ALX4: variants seen among roughly 807,000 people sequenced by gnomAD.
ALX4 encodes homeobox protein aristaless-like 4.
A neutral mutation model predicts 40.6 loss-of-function variants in ALX4; 22 were observed. The ratio of observed to expected loss-of-function variants is 0.54; its 90% CI spans 0.39 to 0.77. ALX4 has a LOEUF of 0.77. Among genes scored for constraint, ALX4 ranks in the 30% least tolerant of loss-of-function variants. ALX4 has a pLI of 0.00. For synonymous variants in ALX4, 266 were observed against 240.5 expected, an observed-to-expected ratio of 1.11 and a Z score of -0.98; for missense variants, 556 against 564.8, an observed-to-expected ratio of 0.98 and a Z score of 0.16.
intron 2 of ALX4, among the ~76,000 whole-genome samples, chr11:44,272,137 C>T (rs1346569373): frequency 6.6e-6 from 1 of 152,290 alleles, no homozygotes; most frequent in South Asian, 2.1e-4. Context: ...TGTGTGAGGG[C>T]TTCTGGATTC....
intron 1 of ALX4, 52 bp from the exon 2 acceptor site, chr11:44,275,710 A>G: frequency 6.4e-7 from 1 of 1,572,026 alleles, no homozygotes; most frequent in East Asian, 2.3e-5. Flanking sequence ...CAAACAAGAG[A>G]AGGGGAATGT....
chr11:44,284,628 G>A (rs965965441), intron 1 of ALX4, among the ~76,000 whole-genome samples: 1 of 152,074 alleles, frequency 6.6e-6, no homozygotes, highest in Non-Finnish European at 1.5e-5. Context: ...CCAGACTCAC[G>A]GACTTACACG....
chr11:44,288,668 C>G (rs892577364), intron 1 of ALX4, among the ~76,000 whole-genome samples: 1 of 152,194 alleles, frequency 6.6e-6, no homozygotes, highest in Non-Finnish European at 1.5e-5. Context: ...GCCCTCACTC[C>G]CGTGGAAGCC....
Position 44,309,598 on chromosome 11 carries a change from G to T in ALX4, c.465C>A (p.Tyr155Ter). The change falls in exon 1 of 4, where the codon TAC (tyrosine) becomes TAA (stop). Residue 155 changes from tyrosine (Y) to a stop codon, truncating the protein, a stop_gained and splice_region_variant. Coordinates refer to ENST00000652299, the MANE Select transcript of ALX4 (RefSeq NM_021926.4). LOFTEE classifies it high-confidence loss of function. ...CAGGTGACCCGCACGTGCACTCACC[G>T]TAGCAGGGAACCTGCAAGGCCGCGC... ...GHSAALQVPC[Y>*]AKESSLGEPE... is the part of the protein sequence containing the mutation. 6.3e-7 allele frequency: 1 copy of T among 1,581,946 alleles called. No homozygotes were observed. Among genetic ancestry groups the T allele is most frequent in the Non-Finnish European group, 8.5e-7 (1 of 1,172,738 alleles).
chr11:44,267,665 C>T lies in ALX4; in HGVS notation c.778-43G>A, dbSNP rs759643811. 1.5e-4 allele frequency: 235 copies of T among 1,613,134 alleles called. 1 individual carries two copies. Among genetic ancestry groups the T allele is most frequent in the Non-Finnish European group, 1.9e-4 (225 of 1,179,798 alleles). The stretch of plus-strand genomic sequence containing the variant: ...GCCATTGTCACCAGGGTGAGATGCC[C>T]GCCTGGAGGCCTCACTTTCAGGCAG... On this transcript the variant is annotated intron_variant, in intron 2 of 3. Coordinates refer to ENST00000652299, the MANE Select transcript of ALX4 (RefSeq NM_021926.4).
At chr11:44,284,218 G>C (rs1357208369) in intron 1 of ALX4, among the ~76,000 whole-genome samples, 1 of 149,850 alleles carries the variant, frequency 6.7e-6, no homozygotes, top group Admixed American at 6.8e-5. Flanking sequence ...TTCTTTTTTT[G>C]GGGGGCGGGG....
At position 44,267,499 on chromosome 11, in the gene ALX4, C is replaced by A. The variant is rs766411205; in HGVS notation, c.901G>T (p.Ala301Ser). ...CAGCTCAGGGCGGGACTTACCTGGG[C>A]GTAGTTCTCAGCTCGGGTGAGGAGG... ...LPLLTRAENYAQIQNPSWLGN... is the reference protein window; with the variant it reads ...LPLLTRAENYSQIQNPSWLGN... The change falls in exon 3 of 4, where the codon GCC becomes TCC. Residue 301 changes from alanine (A) to serine (S), a missense_variant. By Grantham distance (99) the Ala-to-Ser change is moderately conservative. Coordinates refer to ENST00000652299, the MANE Select transcript of ALX4 (RefSeq NM_021926.4). The A allele has an allele frequency of 1.2e-6, 2 of 1,613,886 alleles. No homozygotes were observed. The highest frequency in any genetic ancestry group is 1.1e-5 in the South Asian group (1 of 91,072).
In ALX4 at chr11:44,264,844, G is replaced by A; in HGVS notation, c.*10C>T. ...GTGTCCCGAGGTGGGGACGGGGCAG[G>A]GGTGCCCTGTCATGTGGCCCAGGAA... On this transcript the variant is annotated 3_prime_UTR_variant, in exon 4 of 4. Transcript: ENST00000652299. The A allele has an allele frequency of 6.2e-7, 1 of 1,611,932 alleles. No homozygotes were observed. The highest frequency in any genetic ancestry group is 8.5e-7 in the Non-Finnish European group (1 of 1,179,476).
chr11:44,309,506 C>A, intron 1 of ALX4, 91 bp downstream of exon 1: 1 of 1,520,218 alleles, frequency 6.6e-7, no homozygotes, highest in Non-Finnish European at 8.8e-7. Context: ...AGCCCGCCAA[C>A]TCATACCTCC....
intron 1 of ALX4, among the ~76,000 whole-genome samples, chr11:44,290,585 G>A (rs1956363661): frequency 6.6e-6 from 1 of 152,240 alleles, no homozygotes; most frequent in Non-Finnish European, 1.5e-5. Context: ...GAGGTGTTTT[G>A]AAGCAGCAAT....
At chr11:44,278,753 A>T (rs1192586475) in intron 1 of ALX4, among the ~76,000 whole-genome samples, 1 of 152,072 alleles carries the variant, frequency 6.6e-6, no homozygotes, top group Non-Finnish European at 1.5e-5. Flanking sequence ...CTCACCTACA[A>T]ATAGGGAGAG....
At chr11:44,276,433 A>G (rs1956278592) in intron 1 of ALX4, among the ~76,000 whole-genome samples, 1 of 152,214 alleles carries the variant, frequency 6.6e-6, no homozygotes, top group Non-Finnish European at 1.5e-5. Flanking sequence ...GTACATGAGC[A>G]CAGCTCCCAG....
chr11:44,264,632 A>G lies in ALX4; in HGVS notation c.*222T>C. 1.7e-6 allele frequency: 1 copy of G among 595,578 alleles called. No homozygotes were observed. Among genetic ancestry groups the G allele is most frequent in the Non-Finnish European group, 3.0e-6 (1 of 337,338 alleles). The allele number at this position is 595,578 out of a possible 1,614,324, so 36.9% of individuals were successfully genotyped here. On this transcript the variant is annotated 3_prime_UTR_variant, in exon 4 of 4. Transcript: ENST00000652299. ...TTCTCCACTGCCTGTGGCCGGGAGCAGGGGTCAGGGCCTCAGTGCCAGGGA... is the reference window on the plus strand; with the variant it reads ...TTCTCCACTGCCTGTGGCCGGGAGCGGGGGTCAGGGCCTCAGTGCCAGGGA...
At chr11:44,305,844 G>C (rs2119909444) in intron 1 of ALX4, among the ~76,000 whole-genome samples, 1 of 152,354 alleles carries the variant, frequency 6.6e-6, no homozygotes, top group South Asian at 2.1e-4. Context: ...CCACCGAATC[G>C]AAAGCGAAAG....
intron 1 of ALX4, among the ~76,000 whole-genome samples, chr11:44,297,578 C>T (rs1030278000): frequency 2.0e-5 from 3 of 151,876 alleles, no homozygotes; most frequent in Non-Finnish European, 2.9e-5. Context: ...GTTAACTGGG[C>T]GTGGTGACGA....
intron 1 of ALX4, among the ~76,000 whole-genome samples, chr11:44,283,421 A>G (rs1190892721): frequency 2.6e-5 from 4 of 152,224 alleles, no homozygotes; most frequent in South Asian, 2.1e-4. Flanking sequence ...GATGGTAAGC[A>G]TTCACTAGAG....
At chr11:44,285,922 C>CAGATG (rs1347549363) in intron 1 of ALX4, among the ~76,000 whole-genome samples, 1 of 152,176 alleles carries the variant, frequency 6.6e-6, no homozygotes, top group African/African-American at 2.4e-5. Flanking sequence ...GGGCCTGGGC[C>CAGATG]TCGTGTGAGT....
At chr11:44,306,027 G>T (rs1262950431) in intron 1 of ALX4, among the ~76,000 whole-genome samples, 1 of 152,232 alleles carries the variant, frequency 6.6e-6, no homozygotes, top group Non-Finnish European at 1.5e-5. Context: ...AGAAACGTCG[G>T]ATCTCCAACC....
chr11:44,288,489 A>G (rs1449325407), intron 1 of ALX4, among the ~76,000 whole-genome samples: 2 of 152,260 alleles, frequency 1.3e-5, no homozygotes, highest in African/African-American at 4.8e-5. Flanking sequence ...TGAAGCTGGC[A>G]TATGTAATCA....
Sources: gnomAD v4.1 joint callset for allele counts (sites outside exome capture counted in the v4.1 genomes callset) on GRCh38, gnomAD v4.1.1 for gene constraint, MANE v1.5 for transcripts, NCBI Gene and HGNC (gene_info 2026-07-23, HGNC 2026-07-21) for gene names.